Variants in MARS1 observed in about 807,000 individuals in gnomAD.
MARS1 encodes the protein methionine--tRNA ligase, cytoplasmic.
MARS1 carries 80 observed loss-of-function variants against 119.5 expected under a neutral mutation model. The ratio of observed to expected loss-of-function variants is 0.67; its 90% CI spans 0.56 to 0.81. MARS1 has a LOEUF of 0.81. Ranked by LOEUF, MARS1 falls within the 30% of genes least tolerant of loss-of-function variation. The probability of loss-of-function intolerance (pLI) is 0.00; values close to 1 mark genes in which losing one functional copy is unlikely to be tolerated. For synonymous variants in MARS1, 418 were observed against 433.4 expected (o/e 0.96, Z 0.44); for missense variants, 945 against 1,116.5 (o/e 0.85, Z 2.19).
intron 7 of MARS1, among the ~76,000 whole-genome samples, chr12:57,496,777 C>CA (rs780162798): frequency 0.011 from 864 of 78,604 alleles, 2 homozygotes; most frequent in Middle Eastern, 0.025. Flanking sequence ...ACCCTGTCTC[C>CA]AAAAAAAAAA....
At chr12:57,496,979 A>C (rs1459836990) in intron 7 of MARS1, among the ~76,000 whole-genome samples, 1 of 152,164 alleles carries the variant, frequency 6.6e-6, no homozygotes, top group African/African-American at 2.4e-5. Flanking sequence ...CAGCAGTTAC[A>C]TAATAGAATG....
chr12:57,511,474 G>A (rs1025340081), intron 11 of MARS1: 1 of 553,130 alleles, frequency 1.8e-6, no homozygotes, highest in South Asian at 2.1e-5. Flanking sequence ...CTACTGGGGA[G>A]GTTGAGGTAG....
chr12:57,496,936 C>T (rs1338744634), intron 7 of MARS1, among the ~76,000 whole-genome samples: 2 of 152,172 alleles, frequency 1.3e-5, no homozygotes, highest in African/African-American at 2.4e-5. Flanking sequence ...TCTCCTTTGA[C>T]ACTTTGCACC....
rs569957554 is a variant in MARS1 at position 57,516,128 on chromosome 12, G to T, written c.2464-117G>T. 47 of 1,362,360 alleles carry T rather than the reference G, an allele frequency of 3.4e-5. No individual in the cohort carries two copies. The South Asian group carries it at 5.3e-4, about 15-fold the overall frequency. 84.4% of individuals were successfully genotyped at this position (1,362,360 alleles called of 1,614,324 possible). A position where few individuals can be genotyped will look rare whatever the true frequency, so the allele number is the denominator to read the frequency against. On this transcript the variant is annotated intron_variant, in intron 19 of 20. Coordinates refer to ENST00000262027, the MANE Select transcript of MARS1 (RefSeq NM_004990.4). ...TCCTCACTTACAGTTTTTCTTTCCT[G>T]TCTTAACTAGAAGAGACCTTCGACT...
rs539926897 is a variant in MARS1 at position 57,511,070 on chromosome 12, T to C, written c.1369-628T>C. ...CCTGGGTGACAGTGAGACCCTGATA[T>C]GGACAAGATTAGCACATCCTCTGCA... On this transcript the variant is annotated intron_variant, in intron 11 of 20. Transcript: ENST00000262027. 2.4e-4 allele frequency among the ~76,000 whole-genome samples: 37 copies of C among 151,676 alleles called. No homozygotes were observed. The South Asian group carries it at 4.4e-3, about 18-fold the overall frequency.
In MARS1 at chr12:57,500,473, G is replaced by T. The variant is rs1594821386; in HGVS notation, c.1244G>T (p.Gly415Val). 1.2e-6 allele frequency: 2 copies of T among 1,614,242 alleles called. No homozygotes were observed. Among genetic ancestry groups the T allele is most frequent in the Non-Finnish European group, 8.5e-7 (1 of 1,180,050 alleles). ...TTCTGTGGCTATGAGGAGGCTCGGG[G>T]TGACCAGTGTGACAAGTGTGGCAAG... ...CPFCGYEEAR[G>V]DQCDKCGKLI... The change falls in exon 10 of 21, where the codon GGT becomes GTT. Residue 415 changes from glycine to valine, a missense_variant. Coordinates refer to ENST00000262027, the MANE Select transcript of MARS1 (RefSeq NM_004990.4).
Position 57,488,133 on chromosome 12 carries a change from G to C in MARS1, c.43G>C (p.Val15Leu). The C allele has an allele frequency of 6.2e-7, 1 of 1,614,198 alleles. No homozygotes were observed. The highest frequency in any genetic ancestry group is 8.5e-7 in the Non-Finnish European group (1 of 1,180,040). Residue 15 changes from valine (V) to leucine (L), a missense_variant, in exon 1 of 21, where the codon GTG becomes CTG. Val to Leu is a conservative substitution (Grantham distance 32). Coordinates refer to ENST00000262027, the MANE Select transcript of MARS1 (RefSeq NM_004990.4). ...VSDGVPGCLP[V>L]LAAAGRARGR... The stretch of plus-strand genomic sequence containing the variant: ...TGATGGCGTCCCGGGTTGCTTGCCG[G>C]TGCTGGCCGCCGCCGGGAGAGCCCG...
chr12:57,496,978 C>T (rs1057343616), intron 7 of MARS1, among the ~76,000 whole-genome samples: 3 of 152,158 alleles, frequency 2.0e-5, no homozygotes, highest in African/African-American at 7.2e-5. Flanking sequence ...TCAGCAGTTA[C>T]ATAATAGAAT....
rs759101321 is a variant in MARS1, at chr12:57,490,366, C to A, written c.650C>A (p.Thr217Asn). Residue 217 changes from threonine (T) to asparagine (N), a missense_variant, in exon 6 of 21, where the codon ACC (threonine) becomes AAC (asparagine). Transcript: ENST00000262027. ...QPSPAEGRAV[T>N]NEPEEEELAT... ...AGCCCCGCTGAGGGAAGGGCTGTCA[C>A]CAATGAGCCTGAGGTTTGGAATAGG... 1.2e-6 allele frequency: 2 copies of A among 1,612,542 alleles called. No individual in the cohort carries two copies. Among genetic ancestry groups the A allele is most frequent in the East Asian group, 2.2e-5 (1 of 44,884 alleles).
In MARS1 at chr12:57,516,615, A is replaced by G; in HGVS notation, c.*34A>G. The G allele has an allele frequency of 6.5e-7, 1 of 1,547,840 alleles. No individual in the cohort carries two copies. The highest frequency in any genetic ancestry group is 8.7e-7 in the Non-Finnish European group (1 of 1,153,856). On this transcript the variant is annotated 3_prime_UTR_variant, in exon 21 of 21. Coordinates refer to ENST00000262027, the MANE Select transcript of MARS1 (RefSeq NM_004990.4). ...GGCTCATAGAAAGTCACTTTAATAG[A>G]TAGGGACAGTAATAAATAAATGTAC... is the stretch of plus-strand genomic sequence containing the variant.
chr12:57,506,440 A>C (rs763286981), intron 11 of MARS1, among the ~76,000 whole-genome samples: 1 of 152,106 alleles, frequency 6.6e-6, no homozygotes, highest in Non-Finnish European at 1.5e-5. Context: ...AAAATAAATA[A>C]ATACATAAAA....
intron 7 of MARS1, among the ~76,000 whole-genome samples, chr12:57,493,235 T>C (rs186159622): frequency 1.2e-3 from 169 of 138,498 alleles, no homozygotes; most frequent in African/African-American, 4.3e-3. Flanking sequence ...TCTGTAGATA[T>C]TGATAACATT....
rs35843015 is a variant in MARS1 at position 57,516,549 on chromosome 12, C to T, written c.2671C>T (p.Pro891Ser). Residue 891 changes from proline to serine, a missense_variant, in exon 21 of 21, where the codon CCT (proline) becomes TCT (serine). Pro to Ser is a moderately conservative substitution (Grantham distance 74, BLOSUM62 -1). Coordinates refer to ENST00000262027, the MANE Select transcript of MARS1 (RefSeq NM_004990.4). ...GTTGGCTGTAGCTGAGGGGAAACCCCCTGAAGCCCCTAAAGGCAAGAAGAA... is the reference window on the plus strand; with the variant it reads ...GTTGGCTGTAGCTGAGGGGAAACCCTCTGAAGCCCCTAAAGGCAAGAAGAA... The part of the protein sequence containing the change: ...KQLAVAEGKP[P>S]EAPKGKKKK The T allele has an allele frequency of 1.2e-4, 186 of 1,597,112 alleles. No homozygotes were observed. The African/African-American group carries it at 1.8e-3, about 16-fold the overall frequency.
chr12:57,515,695 A>T (rs1877770022), intron 18 of MARS1, among the ~76,000 whole-genome samples: 1 of 152,244 alleles, frequency 6.6e-6, no homozygotes, highest in Non-Finnish European at 1.5e-5. Context: ...CTTCTGGATC[A>T]GCCTAGCATC....
At chr12:57,488,954 A>G in intron 1 of MARS1, 65 bp from the exon 2 acceptor site, 1 of 1,278,152 alleles carries the variant, frequency 7.8e-7, no homozygotes, top group South Asian at 1.2e-5. Flanking sequence ...GGTTATCCTA[A>G]GTTGACAAAG....
intron 10 of MARS1, 28 bp from the exon 11 acceptor site, chr12:57,504,197 A>T (rs747235017): frequency 6.3e-7 from 1 of 1,579,768 alleles, no homozygotes. Flanking sequence ...TGCAGGCCTG[A>T]TCTGTCCTCT....
At chr12:57,502,705 CAAAAAAA>C (rs35515685) in intron 10 of MARS1, among the ~76,000 whole-genome samples, 4 of 48,008 alleles carry the variant, frequency 8.3e-5, no homozygotes, top group Admixed American at 3.1e-4. Flanking sequence ...GATTTTGTCT[CAAAAAAA>C]AAAAAAAAAA....
At chr12:57,505,815 A>G (rs997692955) in intron 11 of MARS1, among the ~76,000 whole-genome samples, 1 of 151,672 alleles carries the variant, frequency 6.6e-6, no homozygotes, top group African/African-American at 2.4e-5. Flanking sequence ...CTATCTCTAA[A>G]GCATAAAAAA....
Position 57,514,749 on chromosome 12 carries a change from G to C in MARS1, c.1997G>C (p.Gly666Ala), listed in dbSNP as rs745830519. Residue 666 changes from glycine to alanine, a missense_variant, in exon 16 of 21, where the codon GGG becomes GCG. By Grantham distance (60) the Gly-to-Ala change is moderately conservative (BLOSUM62 0). Transcript: ENST00000262027. Reference protein sequence around the residue: ...RAGMFVSKFFGGYVPEMVLTP... With the variant: ...RAGMFVSKFFAGYVPEMVLTP... ...GGGATGTTTGTGTCTAAGTTCTTTG[G>C]GGGCTATGTGCCTGAGATGGTGCTC... 4.3e-6 allele frequency: 7 copies of C among 1,614,126 alleles called. No homozygotes were observed. In the Admixed American group the frequency reaches 1.2e-4, roughly 27 times the overall value.
Sources: gnomAD v4.1 joint callset for allele counts (sites outside exome capture counted in the v4.1 genomes callset) on GRCh38, gnomAD v4.1.1 for gene constraint, MANE v1.5 for transcripts, NCBI Gene and HGNC (gene_info 2026-07-23, HGNC 2026-07-21) for gene names.